CCDC7: variants seen among roughly 807,000 people sequenced by gnomAD.
CCDC7 encodes coiled-coil domain-containing protein 7.
A neutral mutation model predicts 196.9 loss-of-function variants in CCDC7; 183 were observed. That is an observed-to-expected ratio of 0.93 (90% CI 0.82 to 1.05). CCDC7 has a LOEUF of 1.05. Among genes scored for constraint, CCDC7 ranks in the 50% least tolerant of loss-of-function variants. The probability of loss-of-function intolerance (pLI) is 0.00; values close to 1 mark genes in which losing one functional copy is unlikely to be tolerated. For synonymous variants in CCDC7, 525 were observed against 484.6 expected, an observed-to-expected ratio of 1.08 and a Z score of -1.10; for missense variants, 1,540 against 1,482.2, an observed-to-expected ratio of 1.04 and a Z score of -0.64.
chr10:32,584,575 A>G (rs2059054833), intron 18 of CCDC7, among the ~76,000 whole-genome samples: 1 of 151,538 alleles, frequency 6.6e-6, no homozygotes, highest in Admixed American at 6.6e-5. Flanking sequence ...AACCAACATG[A>G]TGAAACCCTG....
At chr10:32,456,320 AAAG>A in exon 3 of CCDC7, 1 of 1,570,748 alleles carries the variant, frequency 6.4e-7, no homozygotes, top group Non-Finnish European at 8.7e-7. Context: ...AGAAGCACTT[AAAG>A]AAGAACAAAA....
At chr10:32,681,817 G>A (rs1327051169) in intron 21 of CCDC7, among the ~76,000 whole-genome samples, 1 of 147,868 alleles carries the variant, frequency 6.8e-6, no homozygotes, top group Non-Finnish European at 1.5e-5. Flanking sequence ...ACATATATAT[G>A]TGCATATAAA....
intron 31 of CCDC7, among the ~76,000 whole-genome samples, chr10:32,815,557 G>A (rs1259489917): frequency 1.3e-5 from 2 of 152,120 alleles, no homozygotes; most frequent in African/African-American, 2.4e-5. Context: ...AGTCTTCCAA[G>A]TAGAGAGAGA....
chr10:32,511,987 G>GT (rs2046293769), intron 9 of CCDC7: 1 of 462,792 alleles, frequency 2.2e-6, no homozygotes, highest in East Asian at 3.9e-5. Context: ...GGACAATCAT[G>GT]TTGGTCTTTG....
chr10:32,576,250 A>AT (rs2058165983), intron 16 of CCDC7, among the ~76,000 whole-genome samples: 1 of 151,900 alleles, frequency 6.6e-6, no homozygotes, highest in African/African-American at 2.4e-5. Context: ...GTTGCTTTTA[A>AT]ATGAGCAATA....
chr10:32,477,911 A>T (rs557790095), intron 8 of CCDC7, among the ~76,000 whole-genome samples: 1 of 152,222 alleles, frequency 6.6e-6, no homozygotes, highest in Non-Finnish European at 1.5e-5. Context: ...CATTGAATCT[A>T]TGGATTAAAT....
chr10:32,769,520 T>C (rs1592570631), intron 28 of CCDC7, among the ~76,000 whole-genome samples: 1 of 152,208 alleles, frequency 6.6e-6, no homozygotes, highest in South Asian at 2.1e-4. Context: ...CTGGGATACA[T>C]GTGCAGAACG....
At chr10:32,566,788 T>C (rs2056859708) in intron 14 of CCDC7, among the ~76,000 whole-genome samples, 1 of 150,710 alleles carries the variant, frequency 6.6e-6, no homozygotes. Flanking sequence ...GGTGTGGGCC[T>C]GTAGTCTCAG....
intron 29 of CCDC7, among the ~76,000 whole-genome samples, chr10:32,789,326 G>C (rs1303080689): frequency 6.6e-6 from 1 of 151,836 alleles, no homozygotes; most frequent in East Asian, 1.9e-4. Context: ...TTTACTACAA[G>C]AGAAAACAGA....
At chr10:32,651,448 G>A (rs888627799) in intron 20 of CCDC7, among the ~76,000 whole-genome samples, 3 of 152,162 alleles carry the variant, frequency 2.0e-5, no homozygotes, top group African/African-American at 4.8e-5. Flanking sequence ...AGCAGTTCCT[G>A]GTTGCGTCTA....
At chr10:32,599,825 A>C (rs1475284080) in intron 18 of CCDC7, among the ~76,000 whole-genome samples, 1 of 152,094 alleles carries the variant, frequency 6.6e-6, no homozygotes, top group African/African-American at 2.4e-5. Context: ...TTCTTTTTGT[A>C]TATGGTAAGA....
chr10:32,564,444 A>G (rs1031066458), intron 13 of CCDC7, among the ~76,000 whole-genome samples: 1 of 152,254 alleles, frequency 6.6e-6, no homozygotes, highest in Admixed American at 6.5e-5. Context: ...AATGTTGCAC[A>G]TATACACCAT....
chr10:32,536,237 A>G (rs918715859), intron 11 of CCDC7, among the ~76,000 whole-genome samples: 2 of 152,108 alleles, frequency 1.3e-5, no homozygotes, highest in Non-Finnish European at 2.9e-5. Flanking sequence ...CCCTTCCAGG[A>G]AGAAATTGGA....
intron 22 of CCDC7, among the ~76,000 whole-genome samples, chr10:32,687,924 G>T (rs1247337949): frequency 3.3e-5 from 5 of 152,122 alleles, no homozygotes; most frequent in Non-Finnish European, 7.4e-5. Context: ...CCTTAGTGGG[G>T]AGTCCATCAA....
rs540165073 is a variant in CCDC7, at chr10:32,682,587, G to GAA, written c.2123-3383_2123-3382insAA. Reference sequence around the variant, plus strand: ...AATTTCCAAACTGTTTTCCACAGTGGCTGAACTTATTTACATTCCCATCAG... The same window carrying GAA: ...AATTTCCAAACTGTTTTCCACAGTGGAACTGAACTTATTTACATTCCCATCAG... On this transcript the variant is annotated intron_variant, in intron 21 of 41. Transcript: ENST00000639629. Among the ~76,000 whole-genome samples, 37 of 152,250 alleles carry GAA rather than the reference G, an allele frequency of 2.4e-4. 1 individual carries two copies. In the East Asian group the frequency reaches 7.0e-3, roughly 29 times the overall value.
intron 8 of CCDC7, among the ~76,000 whole-genome samples, chr10:32,478,587 C>T (rs529513210): frequency 5.5e-4 from 84 of 152,120 alleles, no homozygotes; most frequent in African/African-American, 2.0e-3. Flanking sequence ...GATTTTTCTT[C>T]TTTAGCATGT....
At chr10:32,460,725 G>T (rs1335909596) in intron 3 of CCDC7, among the ~76,000 whole-genome samples, 1 of 152,174 alleles carries the variant, frequency 6.6e-6, no homozygotes, top group African/African-American at 2.4e-5. Context: ...TTTTTGCGTA[G>T]ATTTATGCTT....
intron 11 of CCDC7, among the ~76,000 whole-genome samples, chr10:32,540,715 G>A (rs1437763595): frequency 1.3e-5 from 2 of 152,146 alleles, no homozygotes; most frequent in African/African-American, 4.8e-5. Flanking sequence ...CTGGCTTGTA[G>A]GGTTTCTGCT....
rs2062620234 is a variant in CCDC7, at chr10:32,615,002, A to AGT, written c.1802-19243_1802-19242dup. On this transcript the variant is annotated intron_variant, in intron 18 of 41. Coordinates refer to ENST00000639629, the Ensembl canonical transcript of CCDC7. ...TTTTTATGGCTAAATAGTATTCCAT[A>AGT]GTGTGTGTGTATATGCATACCTACA... Among the ~76,000 whole-genome samples, 8 of 152,280 alleles carry AGT rather than the reference A, an allele frequency of 5.3e-5. No individual in the cohort carries two copies. In the South Asian group the frequency reaches 1.5e-3, roughly 28 times the overall value.
Sources: gnomAD v4.1 joint callset for allele counts (sites outside exome capture counted in the v4.1 genomes callset) on GRCh38, gnomAD v4.1.1 for gene constraint, MANE v1.5 for transcripts, NCBI Gene and HGNC (gene_info 2026-07-23, HGNC 2026-07-21) for gene names.